Variants in KANK1 observed in about 807,000 individuals in gnomAD.
The protein encoded by KANK1 is KN motif and ankyrin repeat domain-containing protein 1.
Under a neutral mutation model 106.2 loss-of-function variants are expected in KANK1, and 109 were observed. The ratio of observed to expected loss-of-function variants is 1.03; its 90% CI spans 0.88 to 1.20. The LOEUF (loss-of-function observed/expected upper bound fraction) is 1.20. KANK1 is among the 50% of genes most tolerant of loss of function. The pLI, the probability that KANK1 is intolerant of heterozygous loss-of-function variation, is 0.00. For synonymous variants in KANK1, 873 were observed against 652.2 expected (o/e 1.34, Z -5.16); for missense variants, 2,399 against 1,710.7 (o/e 1.40, Z -7.10).
rs1439796666 is a variant in KANK1, at chr9:677,092, T to G, written c.37+83T>G. The G allele has an allele frequency of 4.8e-6, 6 of 1,248,428 alleles. No individual in the cohort carries two copies. The African/African-American group carries it at 9.0e-5, about 19-fold the overall frequency. The allele number at this position is 1,248,428 out of a possible 1,614,324, so 77.3% of individuals were successfully genotyped here. On this transcript the variant is annotated intron_variant, in intron 2 of 11. Transcript: ENST00000382297. ...TTTATTCTCTTTAATAATGAACGGA[T>G]AATAGCAAGTTGCCTAGATAACTAG...
At position 599,387 on chromosome 9, in the gene KANK1, A is replaced by G. The variant is rs139152972; in HGVS notation, c.-83-77503A>G. 3.1e-3 allele frequency among the ~76,000 whole-genome samples: 470 copies of G among 151,960 alleles called. 15 individuals carry two copies. The highest frequency in any genetic ancestry group is 0.011 in the African/African-American group (456 of 41,232). ...TTTTAAAATTCAAGGTAAGAACCCC[A>G]CTATTCCTCCAAATATTCTGTAGAG... On this transcript the variant is annotated intron_variant, in intron 1 of 11. Transcript: ENST00000382297.
At chr9:571,740 C>G (rs1198882063) in intron 1 of KANK1, among the ~76,000 whole-genome samples, 2 of 152,146 alleles carry the variant, frequency 1.3e-5, no homozygotes, top group East Asian at 3.8e-4. Context: ...AGCTGAGAAG[C>G]AGACACATGG....
At chr9:639,269 A>G (rs1216190481) in intron 1 of KANK1, among the ~76,000 whole-genome samples, 1 of 152,136 alleles carries the variant, frequency 6.6e-6, no homozygotes, top group African/African-American at 2.4e-5. Context: ...CAGTGTGGCA[A>G]GAGTTCACTT....
intron 1 of KANK1, among the ~76,000 whole-genome samples, chr9:579,246 C>T (rs942838139): frequency 2.0e-5 from 3 of 152,086 alleles, no homozygotes; most frequent in Non-Finnish European, 4.4e-5. Flanking sequence ...TGTGGGCTCC[C>T]GTAGCACAGC....
chr9:728,678 G>C (rs940950831), intron 3 of KANK1, among the ~76,000 whole-genome samples: 2 of 152,116 alleles, frequency 1.3e-5, no homozygotes, highest in Non-Finnish European at 2.9e-5. Context: ...GAAAAGTGAC[G>C]TTTACCATCT....
rs778463058 is a variant in KANK1, at chr9:712,530, G to A, written c.1764G>A (p.Met588Ile). 6.2e-7 allele frequency: 1 copy of A among 1,614,218 alleles called. No homozygotes were observed. The highest frequency in any genetic ancestry group is 1.1e-5 in the South Asian group (1 of 91,082). Reference protein sequence around the residue: ...HDRCAGRSVEMCDKSVSVEVS... With the variant: ...HDRCAGRSVEICDKSVSVEVS... ...GATGTGCTGGGAGGTCTGTGGAAAT[G>A]TGTGACAAGAGTGTGAGTGTGGAAG... Residue 588 changes from methionine to isoleucine, a missense_variant, in exon 3 of 12, where the codon ATG (methionine) becomes ATA (isoleucine). Met to Ile is a conservative substitution (Grantham distance 10). Coordinates refer to ENST00000382297, the MANE Select transcript of KANK1 (RefSeq NM_015158.5).
chr9:565,458 G>A (rs1045923554), intron 1 of KANK1, among the ~76,000 whole-genome samples: 1 of 152,230 alleles, frequency 6.6e-6, no homozygotes, highest in Non-Finnish European at 1.5e-5. Context: ...TAAAGAAAGA[G>A]TTTAATTGAC....
chr9:587,542 ACT>A (rs927162216), intron 1 of KANK1, among the ~76,000 whole-genome samples: 1 of 152,082 alleles, frequency 6.6e-6, no homozygotes, highest in African/African-American at 2.4e-5. Flanking sequence ...AAAATCTGTT[ACT>A]CTGTTTCTAG....
chr9:589,821 T>G (rs1338903442), intron 1 of KANK1, among the ~76,000 whole-genome samples: 1 of 152,112 alleles, frequency 6.6e-6, no homozygotes. Flanking sequence ...ATTTAGAGTA[T>G]CTGTGTGGGA....
At chr9:552,209 A>G (rs1041144930) in intron 1 of KANK1, among the ~76,000 whole-genome samples, 1 of 152,210 alleles carries the variant, frequency 6.6e-6, no homozygotes, top group Non-Finnish European at 1.5e-5. Context: ...CGGAAATAGC[A>G]TATGCAGACA....
At chr9:663,020 C>T (rs574450883) in intron 1 of KANK1, among the ~76,000 whole-genome samples, 1 of 152,244 alleles carries the variant, frequency 6.6e-6, no homozygotes, top group Admixed American at 6.5e-5. Flanking sequence ...GGATGTGTTA[C>T]ATGTCCCCCT....
At chr9:608,545 G>A (rs1197365019) in intron 1 of KANK1, among the ~76,000 whole-genome samples, 13 of 151,712 alleles carry the variant, frequency 8.6e-5, no homozygotes, top group African/African-American at 2.7e-4. Context: ...GCATTTACAT[G>A]TGGGAACTGT....
At chr9:504,061 A>G (rs2132535430), upstream of KANK1, among the ~76,000 whole-genome samples, 1 of 152,212 alleles carries the variant, frequency 6.6e-6, no homozygotes, top group African/African-American at 2.4e-5. Flanking sequence ...CGTGCTGACG[A>G]GGCACCTGCA....
intron 1 of KANK1, among the ~76,000 whole-genome samples, chr9:512,077 G>T (rs2059053831): frequency 6.6e-6 from 1 of 152,124 alleles, no homozygotes; most frequent in South Asian, 2.1e-4. Context: ...TGACTGTTGA[G>T]CAGAGCACCT....
intron 2 of KANK1, among the ~76,000 whole-genome samples, chr9:696,315 C>G (rs1256278859): frequency 6.6e-6 from 1 of 151,944 alleles, no homozygotes; most frequent in Non-Finnish European, 1.5e-5. Flanking sequence ...TGACTTCTGC[C>G]TCCCCTAGAC....
At chr9:569,594 T>C (rs1818664072) in intron 1 of KANK1, among the ~76,000 whole-genome samples, 1 of 152,164 alleles carries the variant, frequency 6.6e-6, no homozygotes, top group South Asian at 2.1e-4. Flanking sequence ...AAGAAATAAA[T>C]ACCTTTTCTG....
At chr9:578,878 C>G (rs1367623947) in intron 1 of KANK1, among the ~76,000 whole-genome samples, 1 of 152,132 alleles carries the variant, frequency 6.6e-6, no homozygotes. Context: ...GCTAAAAATC[C>G]CATCTCGAAG....
chr9:507,427 TCAGC>T (rs1464232721), intron 1 of KANK1, among the ~76,000 whole-genome samples: 3 of 152,090 alleles, frequency 2.0e-5, no homozygotes, highest in African/African-American at 7.2e-5. Flanking sequence ...TTTGCTCTTG[TCAGC>T]CAGGCTACAG....
intron 1 of KANK1, among the ~76,000 whole-genome samples, chr9:591,642 C>A (rs1824911541): frequency 6.6e-6 from 1 of 151,814 alleles, no homozygotes; most frequent in Non-Finnish European, 1.5e-5. Context: ...CACACACACT[C>A]TTTTGAGCAC....
Sources: allele counts gnomAD v4.1 joint callset (sites outside exome capture counted in the v4.1 genomes callset), GRCh38; gene constraint gnomAD v4.1.1; transcripts MANE v1.5; gene names NCBI Gene and HGNC (gene_info 2026-07-23, HGNC 2026-07-21).